The following CDH10 variants were observed in gnomAD, a reference collection of about 807,000 sequenced individuals.
CDH10 encodes the protein cadherin-10.
In CDH10, 30 loss-of-function variants were observed where a neutral mutation model predicts 73.1. The observed-to-expected ratio is 0.41, with a 90% confidence interval of 0.31 to 0.56. CDH10 has a LOEUF of 0.56. Ranked by LOEUF, CDH10 falls within the 20% of genes least tolerant of loss-of-function variation. CDH10 has a pLI of 0.27. For synonymous variants in CDH10, 345 were observed against 348.2 expected (o/e 0.99, Z 0.10); for missense variants, 815 against 973.7 (o/e 0.84, Z 2.17).
intron 2 of CDH10, among the ~76,000 whole-genome samples, chr5:24,549,967 G>T (rs1486756931): frequency 6.6e-6 from 1 of 152,050 alleles, no homozygotes; most frequent in African/African-American, 2.4e-5. Context: ...ACAAAAACCA[G>T]GGAATTTATC....
At chr5:24,521,972 A>G (rs1200777406) in intron 5 of CDH10, among the ~76,000 whole-genome samples, 1 of 152,018 alleles carries the variant, frequency 6.6e-6, no homozygotes, top group Non-Finnish European at 1.5e-5. Flanking sequence ...TGTCTCTACT[A>G]AAAATACAAA....
chr5:24,520,893 AT>A (rs11459094), intron 5 of CDH10, among the ~76,000 whole-genome samples: 15 of 149,880 alleles, frequency 1.0e-4, no homozygotes, highest in Middle Eastern at 3.5e-3. Context: ...CACCCGGCAA[AT>A]TTTTTTTTTG....
rs1033058252 is a variant in CDH10 at position 24,644,716 on chromosome 5, A to G, written c.-246T>C. 6.6e-6 allele frequency: 1 copy of G among 151,984 alleles called. No homozygotes were observed. The highest frequency in any genetic ancestry group is 2.4e-5 in the African/African-American group (1 of 41,364). The allele number at this position is 151,984 out of a possible 1,614,324, so 9.4% of individuals were successfully genotyped here. ...ATTTTCTATCACTGATTCTACTTCAATCTAACTCAAGCTCTTTCTCAGCAT... is the reference window on the plus strand; with the variant it reads ...ATTTTCTATCACTGATTCTACTTCAGTCTAACTCAAGCTCTTTCTCAGCAT... On this transcript the variant is annotated 5_prime_UTR_variant, in exon 1 of 12. Transcript: ENST00000264463.
At chr5:24,575,867 T>C (rs1040489519) in intron 2 of CDH10, among the ~76,000 whole-genome samples, 30 of 152,184 alleles carry the variant, frequency 2.0e-4, no homozygotes, top group African/African-American at 6.5e-4. Flanking sequence ...GTTTCTATTG[T>C]ATATTTTATA....
At chr5:24,527,278 T>A (rs1743567991) in intron 5 of CDH10, among the ~76,000 whole-genome samples, 1 of 147,936 alleles carries the variant, frequency 6.8e-6, no homozygotes, top group African/African-American at 2.5e-5. Flanking sequence ...TATACTTATA[T>A]AAATATAGTC....
In CDH10 at chr5:24,487,119, A is replaced by AT. The variant is rs928694265; in HGVS notation, c.*543dup. Reference sequence around the variant, plus strand: ...ACAAAGTAGTTGTAAAAACTGGTTTATTTTTTTAAAAATAAATACAAAAAT... The same window carrying AT: ...ACAAAGTAGTTGTAAAAACTGGTTTATTTTTTTTAAAAATAAATACAAAAAT... On this transcript the variant is annotated 3_prime_UTR_variant, in exon 12 of 12. Transcript: ENST00000264463. The AT allele has an allele frequency of 6.6e-6, 1 of 152,562 alleles. No homozygotes were observed. Among genetic ancestry groups the AT allele is most frequent in the Admixed American group, 6.6e-5 (1 of 15,262 alleles). 9.5% of individuals were successfully genotyped at this position (152,562 alleles called of 1,614,324 possible). A position where few individuals can be genotyped will look rare whatever the true frequency, so the allele number is the denominator to read the frequency against.
chr5:24,488,115 T>A lies in CDH10; in HGVS notation c.1915A>T (p.Lys639Ter). The A allele has an allele frequency of 6.2e-7, 1 of 1,612,494 alleles. No homozygotes were observed. Among genetic ancestry groups the A allele is most frequent in the Non-Finnish European group, 8.5e-7 (1 of 1,179,422 alleles). Reference protein sequence around the residue: ...VLFAALKRQRKKEPLILSKED... With the variant: ...VLFAALKRQR ...TTTGACAAGATCAGAGGCTCTTTTT[T>A]TCGCTGTCTTTTCAGAGCTGCAAAC... Residue 639 changes from lysine (K) to a stop codon, truncating the protein, a stop_gained, in exon 12 of 12, where the codon AAA becomes TAA. Coordinates refer to ENST00000264463, the MANE Select transcript of CDH10 (RefSeq NM_006727.5). LOFTEE classifies it high-confidence loss of function.
rs192987696 is a variant in CDH10 at position 24,489,858 on chromosome 5, G to C, written c.1877-1705C>G. ...TGTAAGATAGTGAGGCCTCCATCCAGCCATAATAAAAGTGGAAATACAGAT... is the reference window on the plus strand; with the variant it reads ...TGTAAGATAGTGAGGCCTCCATCCACCCATAATAAAAGTGGAAATACAGAT... On this transcript the variant is annotated intron_variant, in intron 11 of 11. Transcript: ENST00000264463. Among the ~76,000 whole-genome samples, 553 of 152,102 alleles carry C rather than the reference G, an allele frequency of 3.6e-3. 5 individuals are homozygous for C. Among genetic ancestry groups the C allele is most frequent in the African/African-American group, 0.013 (523 of 41,500 alleles).
At chr5:24,488,713 G>GA (rs373292033) in intron 11 of CDH10, among the ~76,000 whole-genome samples, 62 of 150,578 alleles carry the variant, frequency 4.1e-4, no homozygotes, top group Admixed American at 7.3e-4. Flanking sequence ...GTAATTATTG[G>GA]AAAAAAAACA....
intron 1 of CDH10, among the ~76,000 whole-genome samples, chr5:24,637,241 G>C (rs2112211505): frequency 6.6e-6 from 1 of 151,978 alleles, no homozygotes; most frequent in South Asian, 2.1e-4. Flanking sequence ...ACAGTGTCTG[G>C]CTTATGGTAG....
rs2111876013 is a variant in CDH10, at chr5:24,535,122, A to T, written c.804T>A (p.Arg268=). ...TTAAAGGGTGCTTACTCTGGGGGAA[A>T]CGTGGTGGGTTGTCATTGACATCTG... ...TLTDVNDNPP[R]FPQNTIHLRV... The change falls in exon 5 of 12, where the codon CGT becomes CGA. Residue 268 remains arginine (R), a synonymous_variant. Transcript: ENST00000264463. 1 of 1,606,974 alleles carries T rather than the reference A, an allele frequency of 6.2e-7. No individual in the cohort carries two copies. Among genetic ancestry groups the T allele is most frequent in the Non-Finnish European group, 8.5e-7 (1 of 1,178,058 alleles).
At chr5:24,608,817 G>A (rs766308209) in intron 1 of CDH10, among the ~76,000 whole-genome samples, 8 of 152,236 alleles carry the variant, frequency 5.3e-5, no homozygotes, top group East Asian at 1.9e-4. Flanking sequence ...CTTAAATTTC[G>A]TCAGGGTGAA....
chr5:24,521,180 C>CA (rs1743316430), intron 5 of CDH10, among the ~76,000 whole-genome samples: 2 of 152,150 alleles, frequency 1.3e-5, no homozygotes, highest in South Asian at 4.1e-4. Flanking sequence ...ATCCGATCAA[C>CA]AAAACGGCTA....
chr5:24,566,806 A>T (rs1745180767), intron 2 of CDH10, among the ~76,000 whole-genome samples: 1 of 152,116 alleles, frequency 6.6e-6, no homozygotes, highest in African/African-American at 2.4e-5. Context: ...GATTTGTTAG[A>T]CAGGACCCAA....
chr5:24,633,863 G>A (rs181155547), intron 1 of CDH10, among the ~76,000 whole-genome samples: 52 of 151,812 alleles, frequency 3.4e-4, no homozygotes, highest in Admixed American at 2.4e-3. Flanking sequence ...TTGGAAAAAC[G>A]TCTAAAGCCA....
rs2111650971 is a variant in CDH10 at position 24,492,919 on chromosome 5, G to A, written c.1522C>T (p.Gln508Ter). 1 of 1,439,258 alleles carries A rather than the reference G, an allele frequency of 6.9e-7. No individual in the cohort carries two copies. The highest frequency in any genetic ancestry group is 9.8e-7 in the Non-Finnish European group (1 of 1,022,068). The allele number at this position is 1,439,258 out of a possible 1,614,324, so 89.2% of individuals were successfully genotyped here. A position where few individuals can be genotyped will look rare whatever the true frequency, so the allele number is the denominator to read the frequency against. ...TCTTTGTCTACTGCACTTATAGTCT[G>A]TATTAGCTGCAGAAAAAGAAAAATA... is the stretch of plus-strand genomic sequence containing the variant. ...CENARPGQLI[Q>*]TISAVDKDDP... is the part of the protein sequence containing the mutation. The change falls in exon 10 of 12, where the codon CAG becomes TAG. Residue 508 changes from glutamine to a stop codon, truncating the protein, a stop_gained. Transcript: ENST00000264463. LOFTEE classifies it high-confidence loss of function.
intron 1 of CDH10, among the ~76,000 whole-genome samples, chr5:24,616,025 A>G (rs996225273): frequency 1.3e-5 from 2 of 151,990 alleles, no homozygotes; most frequent in Admixed American, 6.6e-5. Context: ...TTATAGCCAT[A>G]TTCTTTTTAT....
intron 5 of CDH10, among the ~76,000 whole-genome samples, chr5:24,534,746 G>C (rs2111873843): frequency 1.3e-5 from 2 of 152,048 alleles, no homozygotes; most frequent in South Asian, 4.2e-4. Flanking sequence ...TATTTAATTT[G>C]AAACAGAAAC....
At chr5:24,491,006 C>T (rs1170017191) in intron 11 of CDH10, among the ~76,000 whole-genome samples, 3 of 152,120 alleles carry the variant, frequency 2.0e-5, no homozygotes, top group Admixed American at 6.5e-5. Flanking sequence ...TCTCTTCCAA[C>T]CCCTACTTGA....
Sources: allele counts gnomAD v4.1 joint callset (sites outside exome capture counted in the v4.1 genomes callset), GRCh38; gene constraint gnomAD v4.1.1; transcripts MANE v1.5; gene names NCBI Gene and HGNC (gene_info 2026-07-23, HGNC 2026-07-21).